Variants in CYRIB observed in about 807,000 individuals in gnomAD.
CYRIB encodes CYFIP-related Rac1 interactor B.
A neutral mutation model predicts 44.2 loss-of-function variants in CYRIB; 8 were observed. The observed-to-expected ratio is 0.18, with a 90% CI of 0.11 to 0.33. The LOEUF is 0.33. Among genes scored for constraint, CYRIB ranks in the 10% least tolerant of loss-of-function variants. The pLI, the probability that CYRIB is intolerant of heterozygous loss-of-function variation, is 1.00. For missense variants in CYRIB, 185 were observed against 382.8 expected, an observed-to-expected ratio of 0.48 and a Z score of 4.31; for synonymous variants, 131 against 127.2, an observed-to-expected ratio of 1.03 and a Z score of -0.20.
At chr8:129,854,364 A>G in intron 6 of CYRIB, 21 bp from the exon 9 acceptor site, 1 of 1,578,038 alleles carries the variant, frequency 6.3e-7, no homozygotes, top group Non-Finnish European at 8.6e-7. Flanking sequence ...CAGTTGTGGA[A>G]AAAAAATGTT....
chr8:129,885,085 C>CT (rs1214465449), intron 2 of CYRIB, among the ~76,000 whole-genome samples: 1 of 152,220 alleles, frequency 6.6e-6, no homozygotes, highest in Non-Finnish European at 1.5e-5. Context: ...AATATTTCCT[C>CT]TATCTTTCTA....
At chr8:129,849,169 T>TTA (rs2041983712) in intron 10 of CYRIB, 74 bp downstream of exon 12, 11 of 1,432,830 alleles carry the variant, frequency 7.7e-6, no homozygotes, top group South Asian at 7.1e-5. Flanking sequence ...TTGCTGGCTC[T>TTA]TATCATAAAA....
intron 1 of CYRIB, among the ~76,000 whole-genome samples, chr8:129,979,044 G>C (rs1031315121): frequency 8.5e-5 from 13 of 152,102 alleles, no homozygotes; most frequent in Non-Finnish European, 1.5e-5. Flanking sequence ...AGGAGGCTGA[G>C]GCAACAGAAT....
chr8:129,938,931 T>C (rs1439152887), intron 1 of CYRIB, among the ~76,000 whole-genome samples: 2 of 152,144 alleles, frequency 1.3e-5, no homozygotes, highest in Admixed American at 6.6e-5. Flanking sequence ...TGGGTAATTA[T>C]AGTAGAAATT....
intron 1 of CYRIB, among the ~76,000 whole-genome samples, chr8:129,908,355 T>C (rs891909025): frequency 1.3e-5 from 2 of 152,148 alleles, no homozygotes; most frequent in Admixed American, 6.5e-5. Flanking sequence ...AAAAAATGTA[T>C]ACTCCCTAAT....
At chr8:129,917,762 CAGG>C (rs936617967) in intron 1 of CYRIB, among the ~76,000 whole-genome samples, 8 of 152,110 alleles carry the variant, frequency 5.3e-5, no homozygotes, top group African/African-American at 1.9e-4. Context: ...GAGGCTGAGA[CAGG>C]AGAATTGCTT....
intron 1 of CYRIB, among the ~76,000 whole-genome samples, chr8:129,991,581 A>G (rs1802755551): frequency 6.6e-6 from 1 of 152,104 alleles, no homozygotes; most frequent in African/African-American, 2.4e-5. Context: ...GACTCTGCAG[A>G]GAGTCCCCAC....
chr8:129,857,356 A>C (rs1209214653), intron 5 of CYRIB, among the ~76,000 whole-genome samples: 1 of 152,216 alleles, frequency 6.6e-6, no homozygotes, highest in Non-Finnish European at 1.5e-5. Context: ...ACTGAGACTG[A>C]AGTATGTAGT....
At chr8:129,893,296 T>A (rs1476485989) in intron 2 of CYRIB, among the ~76,000 whole-genome samples, 1 of 152,164 alleles carries the variant, frequency 6.6e-6, no homozygotes, top group Admixed American at 6.6e-5. Context: ...TGTCTGCCAA[T>A]GGCTATGATG....
At position 129,865,984 on chromosome 8, in the gene CYRIB, C is replaced by T. The variant is rs151251656; in HGVS notation, c.196-3650G>A. ...GGGAAAATAGTTGGCTATTCAGAAG[C>T]ATGTACATCATTCTTAGACCAGTTA... is the stretch of plus-strand genomic sequence containing the variant. On this transcript the variant is annotated intron_variant, in intron 4 of 11. Transcript: ENST00000519824. 4.6e-4 allele frequency among the ~76,000 whole-genome samples: 70 copies of T among 152,314 alleles called. No individual in the cohort carries two copies. The South Asian group carries it at 0.01, about 22-fold the overall frequency.
At chr8:129,994,048 G>C (rs2096710197) in intron 1 of CYRIB, among the ~76,000 whole-genome samples, 1 of 152,084 alleles carries the variant, frequency 6.6e-6, no homozygotes. Flanking sequence ...ATACACTGAA[G>C]TCTTGACCCC....
At chr8:129,952,757 A>G (rs2094572176) in intron 2 of CYRIB, among the ~76,000 whole-genome samples, 1 of 152,204 alleles carries the variant, frequency 6.6e-6, no homozygotes, top group Admixed American at 6.5e-5. Flanking sequence ...TAGTTACTCT[A>G]TTAATGGAAA....
intron 2 of CYRIB, among the ~76,000 whole-genome samples, chr8:129,892,105 T>C (rs1221359011): frequency 6.6e-6 from 1 of 152,182 alleles, no homozygotes; most frequent in Non-Finnish European, 1.5e-5. Context: ...TGCAAATTAC[T>C]GTCAGAGCCA....
In CYRIB at chr8:129,999,322, CA is replaced by C. The variant is rs2096854928; in HGVS notation, c.-296+17047del. 2.0e-5 allele frequency among the ~76,000 whole-genome samples: 3 copies of C among 152,322 alleles called. No individual in the cohort carries two copies. The South Asian group carries it at 6.2e-4, about 32-fold the overall frequency. On this transcript the variant is annotated intron_variant, in intron 1 of 14. Transcript: ENST00000401979. ...ACCAAACATGCTGAACTGCATCCACCAGGCCCGTCTCGGGATCCCTGTCCAC... is the reference window on the plus strand; with the variant it reads ...ACCAAACATGCTGAACTGCATCCACCGGCCCGTCTCGGGATCCCTGTCCAC...
chr8:129,852,437 T>TA (rs915624445), intron 7 of CYRIB, among the ~76,000 whole-genome samples, 159 bp from the exon 10 acceptor site: 1 of 152,094 alleles, frequency 6.6e-6, no homozygotes, highest in African/African-American at 2.4e-5. Flanking sequence ...TTATTTTTTT[T>TA]AAAAAAAGAT....
chr8:129,938,603 G>A (rs184528321), intron 1 of CYRIB, among the ~76,000 whole-genome samples: 3 of 152,126 alleles, frequency 2.0e-5, no homozygotes, highest in Non-Finnish European at 4.4e-5. Context: ...TCAGTATTCC[G>A]CACATAGGGG....
intron 11 of CYRIB, chr8:129,843,801 G>A (rs548206821): frequency 5.9e-5 from 9 of 152,230 alleles, no homozygotes; most frequent in South Asian, 2.1e-4. Flanking sequence ...TTTAAAAACC[G>A]AAGAATGCTT....
chr8:130,003,272 A>G (rs1318937323), intron 1 of CYRIB, among the ~76,000 whole-genome samples: 2 of 152,192 alleles, frequency 1.3e-5, no homozygotes, highest in Non-Finnish European at 2.9e-5. Flanking sequence ...CATTTTGTCC[A>G]TATTTTTTAC....
At chr8:129,867,068 C>T (rs759720389) in intron 4 of CYRIB, among the ~76,000 whole-genome samples, 2 of 152,188 alleles carry the variant, frequency 1.3e-5, no homozygotes, top group Non-Finnish European at 2.9e-5. Context: ...ACAGAAGGAT[C>T]GCTTGAGGCC....
Sources: allele counts gnomAD v4.1 joint callset (sites outside exome capture counted in the v4.1 genomes callset), GRCh38; gene constraint gnomAD v4.1.1; transcripts MANE v1.5; gene names NCBI Gene and HGNC (gene_info 2026-07-23, HGNC 2026-07-21).